PPARGC1A: variants seen among roughly 807,000 people sequenced by gnomAD.
PPARGC1A encodes the protein peroxisome proliferator-activated receptor gamma coactivator 1-alpha.
In PPARGC1A, 25 loss-of-function variants were observed where a neutral mutation model predicts 88.7. The ratio of observed to expected loss-of-function variants is 0.28; its 90% confidence interval spans 0.21 to 0.39. The LOEUF (loss-of-function observed/expected upper bound fraction) is 0.39, where lower values mean the gene tolerates loss of function less well. PPARGC1A is among the 10% of genes least tolerant of loss of function. The pLI, the probability that PPARGC1A is intolerant of heterozygous loss-of-function variation, is 1.00. For missense variants in PPARGC1A, 880 were observed against 968.7 expected (o/e 0.91, Z 1.22); for synonymous variants, 363 against 355.6 (o/e 1.02, Z -0.24).
chr4:23,973,528 T>C, the PPARGC1A span, among the ~76,000 whole-genome samples: 2 of 152,358 alleles, frequency 1.3e-5, no homozygotes, highest in Non-Finnish European at 2.9e-5. Context: ...TGGTGTTTGA[T>C]GTCTATTTAT....
At chr4:23,867,985 C>T (rs193158497) in intron 2 of PPARGC1A, among the ~76,000 whole-genome samples, 26 of 152,302 alleles carry the variant, frequency 1.7e-4, no homozygotes, top group Non-Finnish European at 3.2e-4. Context: ...CTGGGAACAG[C>T]GTGTTGGGAA....
At chr4:24,118,814 T>TG in the PPARGC1A span, among the ~76,000 whole-genome samples, 18 of 152,264 alleles carry the variant, frequency 1.2e-4, 1 homozygote, top group South Asian at 2.3e-3. Context: ...TTTTTCCACT[T>TG]GCATAGAAAA....
intron 2 of PPARGC1A, among the ~76,000 whole-genome samples, chr4:23,853,169 T>G (rs182119107): frequency 6.6e-6 from 1 of 152,138 alleles, no homozygotes; most frequent in Non-Finnish European, 1.5e-5. Flanking sequence ...ACAATCAAAA[T>G]TTTTAAATAC....
At chr4:24,072,604 A>C in the PPARGC1A span, among the ~76,000 whole-genome samples, 1 of 152,128 alleles carries the variant, frequency 6.6e-6, no homozygotes, top group African/African-American at 2.4e-5. Flanking sequence ...CCCCAAAATT[A>C]ATGATATTAT....
the PPARGC1A span, among the ~76,000 whole-genome samples, chr4:24,440,112 C>T: frequency 6.6e-6 from 1 of 152,196 alleles, no homozygotes; most frequent in Non-Finnish European, 1.5e-5. Context: ...CAATTTGTTT[C>T]ACAATTAATC....
At chr4:23,871,382 G>C (rs1357151048) in intron 2 of PPARGC1A, among the ~76,000 whole-genome samples, 1 of 152,196 alleles carries the variant, frequency 6.6e-6, no homozygotes, top group Non-Finnish European at 1.5e-5. Flanking sequence ...GTTGCACGCA[G>C]AGCCCTGGAA....
At chr4:23,986,344 T>G in the PPARGC1A span, among the ~76,000 whole-genome samples, 1 of 152,232 alleles carries the variant, frequency 6.6e-6, no homozygotes, top group East Asian at 1.9e-4. Context: ...CAATTAAACT[T>G]AAATGTTTAA....
chr4:24,335,985 G>C, the PPARGC1A span, among the ~76,000 whole-genome samples: 1 of 152,148 alleles, frequency 6.6e-6, no homozygotes, highest in Non-Finnish European at 1.5e-5. Flanking sequence ...GGTTAATTGA[G>C]GGCTTTCTTT....
chr4:24,204,992 T>C, the PPARGC1A span, among the ~76,000 whole-genome samples: 2 of 152,042 alleles, frequency 1.3e-5, no homozygotes, highest in African/African-American at 4.8e-5. Flanking sequence ...CAGCTAATTG[T>C]TCTTGTATTT....
At chr4:24,245,964 T>C in the PPARGC1A span, among the ~76,000 whole-genome samples, 6 of 134,624 alleles carry the variant, frequency 4.5e-5, no homozygotes, top group Admixed American at 1.5e-4. Flanking sequence ...CACACACTTA[T>C]GCTTGGTCCT....
chr4:24,246,739 C>T, the PPARGC1A span, among the ~76,000 whole-genome samples: 1 of 152,202 alleles, frequency 6.6e-6, no homozygotes, highest in Admixed American at 6.5e-5. Flanking sequence ...GTCACCACCA[C>T]GTCACCCACG....
the PPARGC1A span, among the ~76,000 whole-genome samples, chr4:24,173,841 CCCA>C: frequency 6.6e-6 from 1 of 152,306 alleles, no homozygotes; most frequent in East Asian, 1.9e-4. Context: ...AGAGTTATCA[CCCA>C]TCATTGCCAC....
chr4:24,364,258 TA>T, the PPARGC1A span, among the ~76,000 whole-genome samples: 4 of 152,168 alleles, frequency 2.6e-5, no homozygotes, highest in Non-Finnish European at 5.9e-5. Context: ...TCAAACCATA[TA>T]AAGGGATTTT....
At chr4:24,078,043 T>G in the PPARGC1A span, among the ~76,000 whole-genome samples, 2 of 152,052 alleles carry the variant, frequency 1.3e-5, no homozygotes, top group Non-Finnish European at 2.9e-5. Context: ...CTCTCTTACC[T>G]CTAGAAATAA....
the PPARGC1A span, among the ~76,000 whole-genome samples, chr4:23,949,935 C>T: frequency 2.6e-5 from 4 of 152,224 alleles, no homozygotes; most frequent in African/African-American, 9.6e-5. Context: ...AAAATAAAGC[C>T]TATTATTCAA....
chr4:23,841,362 T>G (rs1275000096), intron 2 of PPARGC1A, among the ~76,000 whole-genome samples: 3 of 152,100 alleles, frequency 2.0e-5, no homozygotes, highest in Admixed American at 2.0e-4. Flanking sequence ...TATCCAGAAG[T>G]TTTTAAACTA....
chr4:23,816,017 A>C (rs1334828652), intron 7 of PPARGC1A, among the ~76,000 whole-genome samples: 5 of 152,226 alleles, frequency 3.3e-5, no homozygotes, highest in Admixed American at 3.3e-4. Flanking sequence ...TTTATAATTA[A>C]GAAATGGAAA....
the PPARGC1A span, among the ~76,000 whole-genome samples, chr4:24,469,480 T>G: frequency 6.6e-6 from 1 of 152,156 alleles, no homozygotes; most frequent in East Asian, 1.9e-4. Context: ...ATGATGTACA[T>G]CTCTCATTTG....
At chr4:24,114,153 G>A in the PPARGC1A span, among the ~76,000 whole-genome samples, 1 of 149,516 alleles carries the variant, frequency 6.7e-6, no homozygotes, top group South Asian at 2.1e-4. Context: ...AAAGAGGGAT[G>A]GAAAGAACCC....
Sources: allele counts gnomAD v4.1 joint callset (sites outside exome capture counted in the v4.1 genomes callset), GRCh38; gene constraint gnomAD v4.1.1; transcripts MANE v1.5; gene names NCBI Gene and HGNC (gene_info 2026-07-23, HGNC 2026-07-21).